Variants in ELP4 observed in about 807,000 individuals in gnomAD.
ELP4 encodes the protein elongator acetyltransferase complex subunit 4.
Under a neutral mutation model 48.9 loss-of-function variants are expected in ELP4, and 51 were observed. That is an observed-to-expected ratio of 1.04 (90% CI 0.83 to 1.32). ELP4 has a LOEUF of 1.32. Ranked by LOEUF, ELP4 falls within the 40% of genes most tolerant of loss-of-function variation. The pLI, the probability that ELP4 is intolerant of heterozygous loss-of-function variation, is 0.00. For synonymous variants in ELP4, 210 were observed against 189.2 expected, an observed-to-expected ratio of 1.11 and a Z score of -0.90; for missense variants, 519 against 514.6, an observed-to-expected ratio of 1.01 and a Z score of -0.08.
chr11:31,602,062 T>C (rs1957793701), intron 4 of ELP4, among the ~76,000 whole-genome samples: 1 of 152,088 alleles, frequency 6.6e-6, no homozygotes, highest in Non-Finnish European at 1.5e-5. Flanking sequence ...TTTTCTTTTT[T>C]GCTGTCTTTA....
intron 9 of ELP4, chr11:31,763,420 G>A (rs746852675): frequency 1.9e-6 from 3 of 1,606,972 alleles, no homozygotes; most frequent in Non-Finnish European, 2.5e-6. Context: ...GTGGGTGCAA[G>A]ACAACTACTT....
At chr11:31,745,140 A>G (rs536762530) in intron 9 of ELP4, among the ~76,000 whole-genome samples, 1 of 152,330 alleles carries the variant, frequency 6.6e-6, no homozygotes, top group East Asian at 1.9e-4. Flanking sequence ...CCCATTCACA[A>G]CTGCTTCAAA....
intron 9 of ELP4, among the ~76,000 whole-genome samples, chr11:31,710,154 T>C (rs936236920): frequency 6.6e-6 from 1 of 152,236 alleles, no homozygotes; most frequent in African/African-American, 2.4e-5. Flanking sequence ...AATAAATATT[T>C]GTTGAATACG....
intron 3 of ELP4, among the ~76,000 whole-genome samples, chr11:31,546,631 A>G (rs1030037804): frequency 3.3e-5 from 5 of 152,118 alleles, no homozygotes; most frequent in African/African-American, 1.2e-4. Context: ...TGCACCAAGC[A>G]GACCTAATAG....
chr11:31,642,819 C>G (rs1473360950), intron 7 of ELP4, among the ~76,000 whole-genome samples: 1 of 151,682 alleles, frequency 6.6e-6, no homozygotes, highest in Non-Finnish European at 1.5e-5. Context: ...AAGCAAGTGA[C>G]AACTCTGGAG....
At chr11:31,516,772 G>A (rs562037780) in intron 1 of ELP4, among the ~76,000 whole-genome samples, 4 of 152,248 alleles carry the variant, frequency 2.6e-5, no homozygotes, top group African/African-American at 7.2e-5. Context: ...GATTATAGCC[G>A]TGAGCCACTG....
chr11:31,536,675 T>C lies in ELP4; in HGVS notation c.260-2987T>C, dbSNP rs149386236. Among the ~76,000 whole-genome samples the C allele has an allele frequency of 2.0e-5, 3 of 152,302 alleles. No individual in the cohort carries two copies. In the East Asian group the frequency reaches 5.8e-4, roughly 29 times the overall value. ...TCTGCCAAACTGTTTTCTAATGTAG[T>C]TATAGTGTTTTGCATTGCAACTAAC... On this transcript the variant is annotated intron_variant, in intron 2 of 9. Coordinates refer to ENST00000640961, the MANE Select transcript of ELP4 (RefSeq NM_019040.5).
At chr11:31,555,186 T>A (rs1956910673) in intron 3 of ELP4, among the ~76,000 whole-genome samples, 1 of 152,140 alleles carries the variant, frequency 6.6e-6, no homozygotes, top group Non-Finnish European at 1.5e-5. Context: ...CTATATGTGC[T>A]ATGTACTATC....
intron 1 of ELP4, among the ~76,000 whole-genome samples, chr11:31,513,985 CTTTAT>C (rs2133868689): frequency 6.6e-6 from 1 of 152,008 alleles, no homozygotes; most frequent in East Asian, 1.9e-4. Flanking sequence ...CCTTTCAAAC[CTTTAT>C]TTTGATTCTC....
chr11:31,620,302 AGGATT>A (rs1297125118), intron 5 of ELP4, among the ~76,000 whole-genome samples: 2 of 151,994 alleles, frequency 1.3e-5, no homozygotes, highest in Middle Eastern at 3.2e-3. Context: ...AGTGAGGATA[AGGATT>A]GACCATGGAT....
At chr11:31,626,064 A>G (rs758906036) in intron 5 of ELP4, among the ~76,000 whole-genome samples, 7 of 151,818 alleles carry the variant, frequency 4.6e-5, no homozygotes, top group Non-Finnish European at 1.0e-4. Context: ...CTTTTGGTTT[A>G]TTGTGGCTGT....
At chr11:31,709,926 C>A (rs1182503506) in intron 9 of ELP4, among the ~76,000 whole-genome samples, 1 of 152,180 alleles carries the variant, frequency 6.6e-6, no homozygotes, top group Non-Finnish European at 1.5e-5. Flanking sequence ...CAAGCCTTCT[C>A]TGATCATGCT....
At position 31,789,033 on chromosome 11, in the gene ELP4, CT is replaced by C. The variant is rs1330314272; in HGVS notation, c.*5510del. On this transcript the variant is annotated 3_prime_UTR_variant, in exon 10 of 10. Transcript: ENST00000640961. ...AACTTCAAAACACTTAAGTTTAAAA[CT>C]CTTGCAAGCACTTTTAATTGATTAG... 1 of 200,926 alleles carries C rather than the reference CT, an allele frequency of 5.0e-6. No homozygotes were observed. The highest frequency in any genetic ancestry group is 2.3e-5 in the African/African-American group (1 of 43,636). 12.4% of individuals were successfully genotyped at this position (200,926 alleles called of 1,614,324 possible).
At chr11:31,533,972 A>G (rs1023663667) in intron 2 of ELP4, among the ~76,000 whole-genome samples, 1 of 151,938 alleles carries the variant, frequency 6.6e-6, no homozygotes, top group African/African-American at 2.4e-5. Context: ...AGTAGCTGGG[A>G]CTACAGGCTC....
At chr11:31,748,243 C>CTT (rs374889218) in intron 9 of ELP4, among the ~76,000 whole-genome samples, 100 of 130,540 alleles carry the variant, frequency 7.7e-4, no homozygotes, top group African/African-American at 1.8e-3. Context: ...AAACCAAGAT[C>CTT]TTTTTTTTTT....
At chr11:31,719,501 C>T (rs1386359954) in intron 9 of ELP4, 1 of 397,894 alleles carries the variant, frequency 2.5e-6, no homozygotes, top group African/African-American at 2.1e-5. Flanking sequence ...TGGTCTTTTC[C>T]AAACTTGAAG....
intron 9 of ELP4, among the ~76,000 whole-genome samples, chr11:31,679,004 T>C (rs1239142497): frequency 6.6e-6 from 1 of 152,204 alleles, no homozygotes; most frequent in Non-Finnish European, 1.5e-5. Flanking sequence ...TAGTTTGCAA[T>C]TTTCTGGACA....
intron 2 of ELP4, among the ~76,000 whole-genome samples, chr11:31,536,996 A>G (rs1467383878): frequency 6.6e-6 from 1 of 152,146 alleles, no homozygotes; most frequent in African/African-American, 2.4e-5. Flanking sequence ...ATGAAGTTTA[A>G]TTTATTCATT....
chr11:31,523,415 T>G (rs1019935413), intron 2 of ELP4, among the ~76,000 whole-genome samples: 2 of 152,210 alleles, frequency 1.3e-5, no homozygotes, highest in African/African-American at 4.8e-5. Flanking sequence ...TCCAACTTTT[T>G]AACCATTTTC....
Sources: allele counts gnomAD v4.1 joint callset (sites outside exome capture counted in the v4.1 genomes callset), GRCh38; gene constraint gnomAD v4.1.1; transcripts MANE v1.5; gene names NCBI Gene and HGNC (gene_info 2026-07-23, HGNC 2026-07-21).